SYT7: variants seen among roughly 807,000 people sequenced by gnomAD.
SYT7 encodes synaptotagmin-7.
In SYT7, 29 loss-of-function variants were observed where a neutral mutation model predicts 75.1. The ratio of observed to expected loss-of-function variants is 0.39; its 90% CI spans 0.29 to 0.53. The LOEUF is 0.53. Ranked by LOEUF, SYT7 falls within the 20% of genes least tolerant of loss-of-function variation. SYT7 has a pLI of 0.77. For missense variants in SYT7, 693 were observed against 953.2 expected (o/e 0.73, Z 3.59); for synonymous variants, 376 against 401.7 (o/e 0.94, Z 0.76).
Position 61,542,118 on chromosome 11 carries a change from A to G in SYT7, c.941+93T>C. ...CCTGCCAAGGGGATGGAGGGCCGGGAGGTACACACAACCAGCTGCTCCCAA... is the reference window on the plus strand; with the variant it reads ...CCTGCCAAGGGGATGGAGGGCCGGGGGGTACACACAACCAGCTGCTCCCAA... On this transcript the variant is annotated intron_variant, in intron 6 of 12. Transcript: ENST00000539008. This position sits in a 1 kb window ranked among gnomAD's most constrained non-coding sequence, Gnocchi z 7.8. The G allele has an allele frequency of 6.9e-7, 1 of 1,438,886 alleles. No individual in the cohort carries two copies. The highest frequency in any genetic ancestry group is 1.5e-5 in the African/African-American group (1 of 68,380). 89.1% of individuals were successfully genotyped at this position (1,438,886 alleles called of 1,614,324 possible).
chr11:61,527,600 T>C (rs1430884462), intron 9 of SYT7, among the ~76,000 whole-genome samples: 1 of 151,910 alleles, frequency 6.6e-6, no homozygotes, highest in Non-Finnish European at 1.5e-5. Context: ...GCTTCCCTCC[T>C]CGGCCTCTGG....
intron 7 of SYT7, among the ~76,000 whole-genome samples, chr11:61,535,733 T>G (rs1361520118): frequency 6.6e-6 from 1 of 152,090 alleles, no homozygotes; most frequent in Non-Finnish European, 1.5e-5. Context: ...GGACGCTGTC[T>G]CCCATGAGCC....
In SYT7 at chr11:61,580,857, AGCCGCCCGCGGCCGCGCGCTGCTCC is replaced by A; in HGVS notation, c.-62_-38del. The A allele has an allele frequency of 8.4e-7, 1 of 1,195,692 alleles. No individual in the cohort carries two copies. Among genetic ancestry groups the A allele is most frequent in the Non-Finnish European group, 1.0e-6 (1 of 965,204 alleles). The allele number at this position is 1,195,692 out of a possible 1,614,324, so 74.1% of individuals were successfully genotyped here. ...CGCCGGTTCCCTCCGGGCTCCTCAG[AGCCGCCCGCGGCCGCGCGCTGCTCC>A]GCCGCCGCCGCTGGGCATGGGGCCG... On this transcript the variant is annotated 5_prime_UTR_variant, in exon 1 of 13. An upstream open reading frame in the 5' UTR loses its in-frame stop. Coordinates refer to ENST00000539008, the MANE Select transcript of SYT7 (RefSeq NM_001365809.2). The surrounding 1 kb of genome is among the most constrained non-coding windows in gnomAD (Gnocchi z 6.1).
chr11:61,585,944 A>C (rs545703401), upstream of SYT7, among the ~76,000 whole-genome samples: 15 of 152,278 alleles, frequency 9.9e-5, no homozygotes, highest in African/African-American at 3.6e-4. Flanking sequence ...CTCCACACAA[A>C]GATGTGAGAA....
chr11:61,548,601 G>C (rs764894623), intron 3 of SYT7, among the ~76,000 whole-genome samples: 7 of 152,158 alleles, frequency 4.6e-5, no homozygotes, highest in Non-Finnish European at 7.4e-5. Context: ...TGGGCCTGGG[G>C]AAGACTGAGG....
rs1392702575 is a variant in SYT7, at chr11:61,551,565, G to A, written c.136-102C>T. 23 of 1,233,128 alleles carry A rather than the reference G, an allele frequency of 1.9e-5. No homozygotes were observed. The South Asian group carries it at 2.6e-4, about 14-fold the overall frequency. 76.4% of individuals were successfully genotyped at this position (1,233,128 alleles called of 1,614,324 possible). The stretch of plus-strand genomic sequence containing the variant: ...GGGGAAGGAGATAGACTGGAGTCGG[G>A]CCGTGGCAACAAGGCCAGGACCAGT... On this transcript the variant is annotated intron_variant, in intron 2 of 12. Coordinates refer to ENST00000539008, the MANE Select transcript of SYT7 (RefSeq NM_001365809.2). This position sits in a 1 kb window ranked among gnomAD's most constrained non-coding sequence, Gnocchi z 5.3.
intron 12 of SYT7, among the ~76,000 whole-genome samples, chr11:61,519,779 T>G (rs1012146021): frequency 2.0e-4 from 30 of 152,318 alleles, no homozygotes; most frequent in Admixed American, 1.8e-3. Flanking sequence ...TTTGCCACTT[T>G]TCTGTAAATC....
chr11:61,524,523 T>C lies in SYT7; in HGVS notation c.1481A>G (p.Tyr494Cys). Residue 494 changes from tyrosine to cysteine, a missense_variant, in exon 10 of 13, where the codon TAT becomes TGT. Tyr to Cys is a radical substitution (Grantham distance 194, BLOSUM62 -2). Transcript: ENST00000539008. The surrounding 1 kb of genome is among the most constrained non-coding windows in gnomAD (Gnocchi z 4.1). ...NETFLFEGFP[Y>C]EKVVQRILYL... ...GAGGATCCTCTGCACCACCTTCTCA[T>C]AGGGAAAACCTGGGGGTATAGATGA... is the stretch of plus-strand genomic sequence containing the variant. 2 of 1,590,936 alleles carry C rather than the reference T, an allele frequency of 1.3e-6. No homozygotes were observed. Among genetic ancestry groups the C allele is most frequent in the Non-Finnish European group, 1.7e-6 (2 of 1,167,842 alleles).
chr11:61,548,234 T>C (rs544295481), intron 3 of SYT7, among the ~76,000 whole-genome samples: 2 of 152,324 alleles, frequency 1.3e-5, no homozygotes, highest in South Asian at 2.1e-4. Flanking sequence ...AACCTGTCCT[T>C]CTCTGGGTGT....
At chr11:61,563,205 TTCTG>T (rs1452939998) in intron 1 of SYT7, among the ~76,000 whole-genome samples, 1 of 152,246 alleles carries the variant, frequency 6.6e-6, no homozygotes, top group African/African-American at 2.4e-5. Context: ...TCTACTCAGA[TTCTG>T]TCTGTCCTTC....
chr11:61,547,651 G>T (rs2063231377), intron 3 of SYT7, among the ~76,000 whole-genome samples: 1 of 151,944 alleles, frequency 6.6e-6, no homozygotes, highest in African/African-American at 2.4e-5. Context: ...ATGAGAGGAG[G>T]GGGACAGAGG....
intron 3 of SYT7, among the ~76,000 whole-genome samples, chr11:61,547,830 G>C (rs984475261): frequency 2.6e-5 from 4 of 152,180 alleles, no homozygotes; most frequent in African/African-American, 9.7e-5. Flanking sequence ...AAGACTGGCT[G>C]TAACTGCTAT....
chr11:61,540,390 TAA>T (rs1199371520), intron 6 of SYT7: 3 of 542,010 alleles, frequency 5.5e-6, no homozygotes, highest in Admixed American at 6.4e-5. Flanking sequence ...GCCCACGAGC[TAA>T]GAGTGGTTTT....
At chr11:61,532,701 G>A (rs2062747249) in intron 8 of SYT7, among the ~76,000 whole-genome samples, 1 of 152,190 alleles carries the variant, frequency 6.6e-6, no homozygotes, top group South Asian at 2.1e-4. Context: ...ATCCACAAAG[G>A]GATCCAAGCA....
At chr11:61,538,809 A>G (rs544601776) in intron 6 of SYT7, among the ~76,000 whole-genome samples, 2 of 152,270 alleles carry the variant, frequency 1.3e-5, no homozygotes, top group East Asian at 3.9e-4. Flanking sequence ...CAGGCTTTGA[A>G]AGTTTCGAAA....
At chr11:61,578,631 G>A (rs896445096) in intron 1 of SYT7, among the ~76,000 whole-genome samples, 1 of 152,140 alleles carries the variant, frequency 6.6e-6, no homozygotes, top group Non-Finnish European at 1.5e-5. Context: ...ATCTGACCTG[G>A]AACTATAGAG....
chr11:61,518,859 G>A (rs1430534007), intron 12 of SYT7, 128 bp from the exon 13 acceptor site: 3 of 559,586 alleles, frequency 5.4e-6, no homozygotes, highest in Non-Finnish European at 8.8e-6. Flanking sequence ...CACATGCTGT[G>A]ACAACCTACC....
Position 61,580,701 on chromosome 11 carries a change from C to A in SYT7, c.31+89G>T. 1.1e-6 allele frequency: 1 copy of A among 926,694 alleles called. No individual in the cohort carries two copies. The allele number at this position is 926,694 out of a possible 1,614,324, so 57.4% of individuals were successfully genotyped here. On this transcript the variant is annotated intron_variant, in intron 1 of 12. Coordinates refer to ENST00000539008, the MANE Select transcript of SYT7 (RefSeq NM_001365809.2). The surrounding 1 kb of genome is among the most constrained non-coding windows in gnomAD (Gnocchi z 6.1). ...CGTGCGGCTCCGGGCGGACAACAGC[C>A]CCAGGCTGGGGCTCCGAGACGGCGT...
At chr11:61,561,038 C>T (rs2063624257) in intron 1 of SYT7, among the ~76,000 whole-genome samples, 1 of 152,200 alleles carries the variant, frequency 6.6e-6, no homozygotes, top group Admixed American at 6.5e-5. Flanking sequence ...TTCTAATGTC[C>T]CCTTCAAGTC....
Sources: gnomAD v4.1 joint callset for allele counts (sites outside exome capture counted in the v4.1 genomes callset) on GRCh38, gnomAD v4.1.1 for gene constraint, Gnocchi (gnomAD v3.1) non-coding constraint, MANE v1.5 for transcripts, NCBI Gene and HGNC (gene_info 2026-07-23, HGNC 2026-07-21) for gene names.